Variants in PCYOX1 observed in about 807,000 individuals in gnomAD.
PCYOX1 encodes prenylcysteine lyase.
Under a neutral mutation model 46.4 loss-of-function variants are expected in PCYOX1, and 46 were observed. The ratio of observed to expected loss-of-function variants is 0.99; its 90% confidence interval spans 0.78 to 1.27. The LOEUF is 1.27. Among genes scored for constraint, PCYOX1 ranks in the 50% most tolerant of loss-of-function variants. PCYOX1 has a pLI of 0.00. For missense variants in PCYOX1, 658 were observed against 628.3 expected (o/e 1.05, Z -0.51); for synonymous variants, 220 against 231.8 (o/e 0.95, Z 0.46).
At chr2:70,268,580 C>T (rs1277255493) in intron 3 of PCYOX1, among the ~76,000 whole-genome samples, 1 of 151,954 alleles carries the variant, frequency 6.6e-6, no homozygotes, top group African/African-American at 2.4e-5. Flanking sequence ...GGCAGATCAC[C>T]TGAGGTTGGG....
intron 3 of PCYOX1, among the ~76,000 whole-genome samples, chr2:70,272,344 C>G (rs193133451): frequency 6.6e-6 from 1 of 152,092 alleles, no homozygotes; most frequent in African/African-American, 2.4e-5. Context: ...CCAGGCTGGT[C>G]TCAAACTCCT....
At chr2:70,262,393 T>C (rs976247945) in intron 3 of PCYOX1, among the ~76,000 whole-genome samples, 5 of 151,982 alleles carry the variant, frequency 3.3e-5, no homozygotes, top group Admixed American at 3.3e-4. Flanking sequence ...CTCGAACTCC[T>C]GACCTCAGGT....
At chr2:70,269,845 G>A (rs948690174) in intron 3 of PCYOX1, among the ~76,000 whole-genome samples, 1 of 152,154 alleles carries the variant, frequency 6.6e-6, no homozygotes, top group African/African-American at 2.4e-5. Context: ...CTGCCAGATA[G>A]GTCAAATATT....
At chr2:70,270,097 C>A (rs151324446) in intron 3 of PCYOX1, among the ~76,000 whole-genome samples, 3 of 151,828 alleles carry the variant, frequency 2.0e-5, no homozygotes, top group Non-Finnish European at 4.4e-5. Flanking sequence ...TGGGTTCAAG[C>A]GATTCTCCTG....
intron 3 of PCYOX1, among the ~76,000 whole-genome samples, chr2:70,268,360 A>C (rs534358828): frequency 2.0e-5 from 3 of 152,278 alleles, no homozygotes; most frequent in Admixed American, 2.0e-4. Flanking sequence ...AAGACATGAC[A>C]GGATTCTGTG....
At chr2:70,269,996 T>C (rs948634580) in intron 3 of PCYOX1, among the ~76,000 whole-genome samples, 1 of 151,816 alleles carries the variant, frequency 6.6e-6, no homozygotes, top group African/African-American at 2.4e-5. Flanking sequence ...TCTCTTTTTC[T>C]CTTTCTTTCT....
At chr2:70,260,220 G>A (rs1696416989) in intron 2 of PCYOX1, among the ~76,000 whole-genome samples, 1 of 152,174 alleles carries the variant, frequency 6.6e-6, no homozygotes, top group African/African-American at 2.4e-5. Context: ...ATGAGACCCA[G>A]AGACTTGAAT....
chr2:70,258,443 G>A, intron 1 of PCYOX1, 167 bp downstream of exon 1: 1 of 515,646 alleles, frequency 1.9e-6, no homozygotes, highest in Non-Finnish European at 3.4e-6. Flanking sequence ...GCGGCTTTCA[G>A]CTCTGGTCGG....
chr2:70,276,112 A>AG (rs1419281843), intron 5 of PCYOX1, among the ~76,000 whole-genome samples: 1 of 151,904 alleles, frequency 6.6e-6, no homozygotes, highest in Non-Finnish European at 1.5e-5. Context: ...AAAAAAAAAA[A>AG]AAAAAAAAAA....
chr2:70,277,219 A>G lies in PCYOX1; in HGVS notation c.1345A>G (p.Ile449Val). 1.9e-6 allele frequency: 3 copies of G among 1,614,088 alleles called. No individual in the cohort carries two copies. Among genetic ancestry groups the G allele is most frequent in the African/African-American group, 1.3e-5 (1 of 75,030 alleles). The stretch of plus-strand genomic sequence containing the variant: ...GCCCCCGGAGAAATGCCCCTCTATC[A>G]TTCTCCATGATCGACTTTATTACCT... ...YKPPEKCPSI[I>V]LHDRLYYLNG... is the part of the protein sequence containing the mutation. The change falls in exon 6 of 6, where the codon ATT (isoleucine) becomes GTT (valine). Residue 449 changes from isoleucine to valine, a missense_variant. Transcript: ENST00000433351.
chr2:70,272,752 G>T (rs1696619258), intron 3 of PCYOX1, among the ~76,000 whole-genome samples: 1 of 151,928 alleles, frequency 6.6e-6, no homozygotes, highest in Non-Finnish European at 1.5e-5. Context: ...AGGGTGTAGT[G>T]CAGTGGTGTG....
At chr2:70,267,353 C>T (rs1696541323) in intron 3 of PCYOX1, among the ~76,000 whole-genome samples, 1 of 151,938 alleles carries the variant, frequency 6.6e-6, no homozygotes, top group South Asian at 2.1e-4. Flanking sequence ...GATGGGCGGC[C>T]AGGCAAAGAC....
At position 70,280,236 on chromosome 2, in the gene PCYOX1, G is replaced by C. The variant is rs1319629526; in HGVS notation, c.*2844G>C. ...AGTTTTAATGCAACTACAGTGTTGA[G>C]TGCTTTTTTACTGGGAGAAAAATCC... On this transcript the variant is annotated 3_prime_UTR_variant, in exon 6 of 6. Transcript: ENST00000433351. The C allele has an allele frequency of 5.9e-5, 9 of 152,120 alleles. No homozygotes were observed. Among genetic ancestry groups the C allele is most frequent in the Non-Finnish European group, 1.3e-4 (9 of 68,054 alleles). The allele number at this position is 152,120 out of a possible 1,614,324, so 9.4% of individuals were successfully genotyped here. A position where few individuals can be genotyped will look rare whatever the true frequency, so the allele number is the denominator to read the frequency against.
At position 70,277,453 on chromosome 2, in the gene PCYOX1, A is replaced by G. The variant is rs533641803; in HGVS notation, c.*61A>G. The G allele has an allele frequency of 1.2e-5, 16 of 1,302,378 alleles. No individual in the cohort carries two copies. In the East Asian group the frequency reaches 3.7e-4, roughly 30 times the overall value. 80.7% of individuals were successfully genotyped at this position (1,302,378 alleles called of 1,614,324 possible). ...TGACTATCAGTGGCAAAAAAGAACA[A>G]AATCTGAGCAGAGATGATTTTGAAC... On this transcript the variant is annotated 3_prime_UTR_variant, in exon 6 of 6. Coordinates refer to ENST00000433351, the MANE Select transcript of PCYOX1 (RefSeq NM_016297.4).
chr2:70,279,160 T>G lies in PCYOX1; in HGVS notation c.*1768T>G, dbSNP rs1195323071. The G allele has an allele frequency of 6.6e-6, 1 of 151,926 alleles. No individual in the cohort carries two copies. The highest frequency in any genetic ancestry group is 1.5e-5 in the Non-Finnish European group (1 of 67,970). The allele number at this position is 151,926 out of a possible 1,614,324, so 9.4% of individuals were successfully genotyped here. A position where few individuals can be genotyped will look rare whatever the true frequency, so the allele number is the denominator to read the frequency against. On this transcript the variant is annotated 3_prime_UTR_variant, in exon 6 of 6. Transcript: ENST00000433351. ...TCATCAGATCATGGCATTAGCTACT[T>G]TAGCAAAATAGTGTAAACTTTGGTT...
chr2:70,271,834 C>A (rs969287478), intron 3 of PCYOX1, among the ~76,000 whole-genome samples: 6 of 152,066 alleles, frequency 3.9e-5, no homozygotes, highest in African/African-American at 1.4e-4. Flanking sequence ...AGATTCACTG[C>A]TTTAAAGGGT....
At chr2:70,269,581 C>T (rs1696573945) in intron 3 of PCYOX1, among the ~76,000 whole-genome samples, 1 of 152,182 alleles carries the variant, frequency 6.6e-6, no homozygotes, top group South Asian at 2.1e-4. Context: ...AAGTGATCCT[C>T]CAGCCTGTGC....
At chr2:70,275,320 T>A in intron 4 of PCYOX1, 150 bp downstream of exon 4, 2 of 845,582 alleles carry the variant, frequency 2.4e-6, no homozygotes, top group Non-Finnish European at 3.8e-6. Flanking sequence ...TATGTAGATG[T>A]GCATTTTTAG....
Position 70,277,046 on chromosome 2 carries a change from A to T in PCYOX1, c.1172A>T (p.Glu391Val). Reference sequence around the variant, plus strand: ...ATTGGGATTGTGCCCTCTGTGAGAGAAAAGGAAGATCCTGAGCCATCAACA... The same window carrying T: ...ATTGGGATTGTGCCCTCTGTGAGAGTAAAGGAAGATCCTGAGCCATCAACA... ...NSIGIVPSVREKEDPEPSTDG... is the reference protein window; with the variant it reads ...NSIGIVPSVRVKEDPEPSTDG... The change falls in exon 6 of 6, where the codon GAA becomes GTA. Residue 391 changes from glutamate (E) to valine (V), a missense_variant. Coordinates refer to ENST00000433351, the MANE Select transcript of PCYOX1 (RefSeq NM_016297.4). 6.2e-7 allele frequency: 1 copy of T among 1,613,908 alleles called. No homozygotes were observed. The highest frequency in any genetic ancestry group is 8.5e-7 in the Non-Finnish European group (1 of 1,179,740).
Sources: allele counts gnomAD v4.1 joint callset (sites outside exome capture counted in the v4.1 genomes callset), GRCh38; gene constraint gnomAD v4.1.1; transcripts MANE v1.5; gene names NCBI Gene and HGNC (gene_info 2026-07-23, HGNC 2026-07-21).